Variants in PATJ observed in about 807,000 individuals in gnomAD.
PATJ encodes the protein inaD-like protein.
A neutral mutation model predicts 224.9 loss-of-function variants in PATJ; 190 were observed. The observed-to-expected ratio is 0.84, with a 90% CI of 0.75 to 0.95. PATJ has a LOEUF of 0.95. PATJ is among the 40% of genes least tolerant of loss of function. PATJ has a pLI of 0.00. For missense variants in PATJ, 2,121 were observed against 2,270.3 expected (o/e 0.93, Z 1.34); for synonymous variants, 769 against 820.3 (o/e 0.94, Z 1.07).
chr1:62,027,970 CA>C (rs1648350087), intron 29 of PATJ, among the ~76,000 whole-genome samples: 1 of 152,078 alleles, frequency 6.6e-6, no homozygotes, highest in African/African-American at 2.4e-5. Flanking sequence ...CTTTGATATA[CA>C]CAAGGTTTTT....
Position 61,762,902 on chromosome 1 carries a change from A to C in PATJ, c.10A>C (p.Asn4His), listed in dbSNP as rs759923537. The C allele has an allele frequency of 1.3e-6, 2 of 1,549,254 alleles. No individual in the cohort carries two copies. Among genetic ancestry groups the C allele is most frequent in the Non-Finnish European group, 1.8e-6 (2 of 1,136,326 alleles). The change falls in exon 2 of 44, where the codon AAT (asparagine) becomes CAT (histidine). Residue 4 changes from asparagine (N) to histidine (H), a missense_variant. Physicochemically the swap from Asn to His is moderately conservative, Grantham distance 68. Transcript: ENST00000642238. MPE[N>H]PATDKLQVLQ... is the part of the protein sequence containing the mutation. ...AAGAGAATAATTCAAAATGCCTGAA[A>C]ATCCTGCTACAGGTATACTGGATAT...
At chr1:61,822,857 T>C (rs1378658224) in intron 14 of PATJ, 88 bp from the exon 15 acceptor site, 2 of 1,469,878 alleles carry the variant, frequency 1.4e-6, no homozygotes, top group East Asian at 4.7e-5. Context: ...AGAGGTGGGG[T>C]TTTTCACTTC....
At chr1:62,068,361 C>T (rs549839650) in intron 31 of PATJ, among the ~76,000 whole-genome samples, 8 of 152,288 alleles carry the variant, frequency 5.3e-5, no homozygotes, top group East Asian at 1.9e-4. Flanking sequence ...TTGCAGGCAG[C>T]GTGTGGTTGA....
chr1:62,157,450 C>T (rs761607596), intron 43 of PATJ, among the ~76,000 whole-genome samples: 3 of 148,256 alleles, frequency 2.0e-5, no homozygotes, highest in East Asian at 1.9e-4. Context: ...GCACTTTGGG[C>T]GTATAGAAGT....
intron 29 of PATJ, among the ~76,000 whole-genome samples, chr1:62,034,397 C>T (rs1373507311): frequency 3.5e-5 from 5 of 144,392 alleles, no homozygotes; most frequent in African/African-American, 1.0e-4. Context: ...GAGCCGAGAT[C>T]GCGCCACTGC....
intron 43 of PATJ, among the ~76,000 whole-genome samples, chr1:62,155,874 A>G (rs1185824064): frequency 6.6e-6 from 1 of 151,066 alleles, no homozygotes; most frequent in African/African-American, 2.4e-5. Flanking sequence ...TGGCTAACAC[A>G]GTGAAATCCC....
chr1:62,110,831 T>G (rs1663709823), intron 34 of PATJ, among the ~76,000 whole-genome samples: 1 of 152,228 alleles, frequency 6.6e-6, no homozygotes, highest in African/African-American at 2.4e-5. Flanking sequence ...CTTTGACTAC[T>G]GGGTCTTCCT....
intron 14 of PATJ, among the ~76,000 whole-genome samples, chr1:61,812,570 C>T (rs1655097436): frequency 1.3e-5 from 2 of 151,744 alleles, no homozygotes; most frequent in South Asian, 2.1e-4. Flanking sequence ...CAGTCTTGGC[C>T]AGGCACAGTG....
At chr1:62,066,691 G>T (rs1248029157) in intron 31 of PATJ, among the ~76,000 whole-genome samples, 1 of 152,196 alleles carries the variant, frequency 6.6e-6, no homozygotes, top group Non-Finnish European at 1.5e-5. Context: ...TGAGACCACA[G>T]CATTGCAGTA....
intron 27 of PATJ, among the ~76,000 whole-genome samples, chr1:61,987,974 G>A (rs572280726): frequency 1.6e-4 from 24 of 152,254 alleles, no homozygotes; most frequent in Admixed American, 9.2e-4. Flanking sequence ...CAAGGCGGGC[G>A]GATCACCTGA....
chr1:61,898,854 A>G (rs1423031067), intron 22 of PATJ, among the ~76,000 whole-genome samples: 4 of 152,156 alleles, frequency 2.6e-5, no homozygotes, highest in African/African-American at 9.7e-5. Context: ...TGGCACAAAC[A>G]TGACTCATTG....
At chr1:61,783,423 C>CTTTTTTTTT (rs79615768) in intron 7 of PATJ, among the ~76,000 whole-genome samples, 1 of 119,234 alleles carries the variant, frequency 8.4e-6, no homozygotes. Flanking sequence ...CTTTTCTTTT[C>CTTTTTTTTT]TTTTTTTTTT....
intron 26 of PATJ, among the ~76,000 whole-genome samples, chr1:61,926,822 A>G (rs4915790): frequency 0.15 from 22,850 of 152,136 alleles, 2,273 homozygotes; most frequent in Admixed American, 0.23. Context: ...GTAATGGACC[A>G]CTCATTGGCC....
intron 30 of PATJ, among the ~76,000 whole-genome samples, chr1:62,046,577 G>C (rs549121823): frequency 4.0e-4 from 61 of 152,344 alleles, no homozygotes; most frequent in African/African-American, 1.5e-3. Context: ...GAATCAGGCA[G>C]TGGGAATGAA....
intron 33 of PATJ, among the ~76,000 whole-genome samples, chr1:62,096,441 T>C (rs1661405938): frequency 6.6e-6 from 1 of 152,194 alleles, no homozygotes; most frequent in African/African-American, 2.4e-5. Flanking sequence ...GGCTTAGAGC[T>C]TGTTGGCATT....
intron 28 of PATJ, among the ~76,000 whole-genome samples, chr1:61,999,481 A>C (rs1645614390): frequency 2.0e-5 from 3 of 152,142 alleles, no homozygotes; most frequent in Non-Finnish European, 4.4e-5. Flanking sequence ...CAGCCTGGCC[A>C]ACATGGTGAA....
chr1:61,824,428 C>CTT (rs1657861889), intron 15 of PATJ, among the ~76,000 whole-genome samples: 1 of 19,246 alleles, frequency 5.2e-5, no homozygotes, highest in Non-Finnish European at 2.1e-4. Context: ...AACCTTTTTT[C>CTT]CTTTTTTTTT....
intron 30 of PATJ, among the ~76,000 whole-genome samples, chr1:62,042,316 C>T (rs7526702): frequency 0.012 from 1,817 of 152,224 alleles, 17 homozygotes; most frequent in Middle Eastern, 0.048. Context: ...GTAACTGCTA[C>T]CAAATGATGA....
intron 21 of PATJ, among the ~76,000 whole-genome samples, chr1:61,880,088 T>G (rs1383260122): frequency 6.6e-6 from 1 of 152,138 alleles, no homozygotes; most frequent in East Asian, 1.9e-4. Context: ...CCTCCCAAAG[T>G]GCTGGGATTG....
Sources: allele counts gnomAD v4.1 joint callset (sites outside exome capture counted in the v4.1 genomes callset), GRCh38; gene constraint gnomAD v4.1.1; transcripts MANE v1.5; gene names NCBI Gene and HGNC (gene_info 2026-07-23, HGNC 2026-07-21).